CREBZF: variants seen among roughly 807,000 people sequenced by gnomAD.
CREBZF encodes CREB/ATF bZIP transcription factor.
A neutral mutation model predicts 21.1 loss-of-function variants in CREBZF; 8 were observed. The ratio of observed to expected loss-of-function variants is 0.38; its 90% CI spans 0.22 to 0.68. The LOEUF (loss-of-function observed/expected upper bound fraction) is 0.68. CREBZF is among the 30% of genes least tolerant of loss of function. The probability of loss-of-function intolerance (pLI) is 0.51; values close to 1 mark genes in which losing one functional copy is unlikely to be tolerated. For missense variants in CREBZF, 518 were observed against 484.3 expected (o/e 1.07, Z -0.65); for synonymous variants, 270 against 223.3 (o/e 1.21, Z -1.86).
Position 85,662,337 on chromosome 11 carries a change from A to C in CREBZF, c.*1474T>G. 1 of 693,290 alleles carries C rather than the reference A, an allele frequency of 1.4e-6. No individual in the cohort carries two copies. Among genetic ancestry groups the C allele is most frequent in the Non-Finnish European group, 2.7e-6 (1 of 372,896 alleles). The allele number at this position is 693,290 out of a possible 1,614,324, so 42.9% of individuals were successfully genotyped here. On this transcript the variant is annotated 3_prime_UTR_variant, in exon 1 of 1. Coordinates refer to ENST00000527447, the MANE Select transcript of CREBZF (RefSeq NM_001039618.4). ...TTTAATTATGAACATGTTAAAAATA[A>C]AAAACAGCAGAAGCCCTGATATTAC...
rs536640685 is a variant in CREBZF, at chr11:85,670,276, C to A, written n.148-6675G>T. On this transcript the variant is annotated intron_variant and non_coding_transcript_variant, in intron 1 of 3. Transcript: ENST00000531515. The stretch of plus-strand genomic sequence containing the variant: ...TTTCCCCCTAACACTTTAATCCCCC[C>A]CCCCCACAATAAGATCTCAAGTTCT... 4.0e-3 allele frequency among the ~76,000 whole-genome samples: 464 copies of A among 116,102 alleles called. 1 individual carries two copies. The highest frequency in any genetic ancestry group is 0.026 in the South Asian group (72 of 2,796). The allele number at this position is 116,102 out of a possible 152,430, so 76.2% of individuals were successfully genotyped here.
upstream of CREBZF, among the ~76,000 whole-genome samples, chr11:85,670,070 G>A (rs1159839723): frequency 1.3e-5 from 2 of 152,106 alleles, no homozygotes; most frequent in Non-Finnish European, 2.9e-5. Flanking sequence ...GCCTCCCAAA[G>A]TGCTGGGATT....
upstream of CREBZF, among the ~76,000 whole-genome samples, chr11:85,668,821 T>C (rs1291459607): frequency 6.7e-6 from 1 of 150,032 alleles, no homozygotes; most frequent in Non-Finnish European, 1.5e-5. Flanking sequence ...GCTAACACGG[T>C]GAAACCCCGT....
intron 1 of CREBZF, among the ~76,000 whole-genome samples, chr11:85,677,722 C>G (rs1345955719): frequency 6.6e-6 from 1 of 152,232 alleles, no homozygotes; most frequent in Admixed American, 6.5e-5. Flanking sequence ...CAATACTTAG[C>G]TGTCCTGTTT....
intron 1 of CREBZF, among the ~76,000 whole-genome samples, chr11:85,680,590 G>T (rs923544661): frequency 6.6e-6 from 1 of 152,158 alleles, no homozygotes; most frequent in African/African-American, 2.4e-5. Flanking sequence ...TTTTTTCTTG[G>T]ATTCATTTTT....
intron 1 of CREBZF, among the ~76,000 whole-genome samples, chr11:85,671,073 GAA>G: frequency 6.6e-6 from 1 of 152,262 alleles, no homozygotes; most frequent in Non-Finnish European, 1.5e-5. Context: ...AATTTATAAA[GAA>G]AAGAGGTTTA....
intron 1 of CREBZF, among the ~76,000 whole-genome samples, chr11:85,670,852 T>A (rs1013878958): frequency 6.6e-6 from 1 of 152,236 alleles, no homozygotes. Context: ...GTGACCTTAC[T>A]TGGCAGTAGG....
Position 85,664,260 on chromosome 11 carries a change from C to A in CREBZF, c.616G>T (p.Ala206Ser). 6.2e-7 allele frequency: 1 copy of A among 1,612,860 alleles called. No individual in the cohort carries two copies. Among genetic ancestry groups the A allele is most frequent in the Non-Finnish European group, 8.5e-7 (1 of 1,179,834 alleles). ...GGSGNDNNQA[A>S]TKSPRKAAAA... ...GCCGCCTTCCGGGGACTCTTTGTCG[C>A]CGCCTGGTTGTTGTCGTTACCGCTG... Residue 206 changes from alanine (A) to serine (S), a missense_variant, in exon 1 of 1, where the codon GCG becomes TCG. By Grantham distance (99) the Ala-to-Ser change is moderately conservative (BLOSUM62 1). Transcript: ENST00000527447. This position sits in a 1 kb window ranked among gnomAD's most constrained non-coding sequence, Gnocchi z 5.5.
rs1443291928 is a variant in CREBZF at position 85,662,431 on chromosome 11, T to G, written c.*1380A>C. 2.8e-6 allele frequency: 2 copies of G among 717,148 alleles called. No individual in the cohort carries two copies. The highest frequency in any genetic ancestry group is 1.5e-5 in the South Asian group (1 of 67,594). 44.4% of individuals were successfully genotyped at this position (717,148 alleles called of 1,614,324 possible). On this transcript the variant is annotated 3_prime_UTR_variant, in exon 1 of 1. Coordinates refer to ENST00000527447, the MANE Select transcript of CREBZF (RefSeq NM_001039618.4). Reference sequence around the variant, plus strand: ...GAAATGTGGCCAGCAGCTGGTCCCGTCTCTTCTGCCCCAACAGCTGTATCC... The same window carrying G: ...GAAATGTGGCCAGCAGCTGGTCCCGGCTCTTCTGCCCCAACAGCTGTATCC...
chr11:85,674,079 TCTTCCAAA>T (rs1377640982), intron 1 of CREBZF, among the ~76,000 whole-genome samples: 2 of 152,250 alleles, frequency 1.3e-5, no homozygotes, highest in Admixed American at 1.3e-4. Context: ...GATGGAATCC[TCTTCCAAA>T]CTTCCAAACA....
intron 1 of CREBZF, among the ~76,000 whole-genome samples, chr11:85,676,989 A>C (rs1185345828): frequency 1.6e-5 from 1 of 61,664 alleles, no homozygotes; most frequent in East Asian, 5.2e-4. Context: ...TTTGAGACAG[A>C]ATGTCACTCT....
intron 1 of CREBZF, among the ~76,000 whole-genome samples, chr11:85,674,558 A>G (rs2082930864): frequency 6.6e-6 from 1 of 152,210 alleles, no homozygotes; most frequent in Non-Finnish European, 1.5e-5. Context: ...CTTCAACTTA[A>G]AAGTCACCAG....
In CREBZF at chr11:85,664,433, T is replaced by A. The variant is rs747764574; in HGVS notation, c.443A>T (p.Asp148Val). 1 of 1,613,758 alleles carries A rather than the reference T, an allele frequency of 6.2e-7. No homozygotes were observed. Among genetic ancestry groups the A allele is most frequent in the South Asian group, 1.1e-5 (1 of 91,082 alleles). Reference protein sequence around the residue: ...DSGGLWRGDDDDEAAAAEMQR... With the variant: ...DSGGLWRGDDVDEAAAAEMQR... The stretch of plus-strand genomic sequence containing the variant: ...CATTTCAGCAGCCGCGGCCTCATCG[T>A]CATCGTCCCCTCTCCACAGGCCGCC... The change falls in exon 1 of 1, where the codon GAC becomes GTC. Residue 148 changes from aspartate (D) to valine (V), a missense_variant. This residue lies in a region of CREBZF where 396 missense variants were observed against 324.4 expected (regional missense o/e 1.22). Transcript: ENST00000527447. This position sits in a 1 kb window ranked among gnomAD's most constrained non-coding sequence, Gnocchi z 5.5.
chr11:85,662,573 T>C lies in CREBZF; in HGVS notation c.*1238A>G. 1 of 576,040 alleles carries C rather than the reference T, an allele frequency of 1.7e-6. No homozygotes were observed. Among genetic ancestry groups the C allele is most frequent in the Non-Finnish European group, 3.2e-6 (1 of 313,834 alleles). 35.7% of individuals were successfully genotyped at this position (576,040 alleles called of 1,614,324 possible). A position where few individuals can be genotyped will look rare whatever the true frequency, so the allele number is the denominator to read the frequency against. On this transcript the variant is annotated 3_prime_UTR_variant, in exon 1 of 1. Coordinates refer to ENST00000527447, the MANE Select transcript of CREBZF (RefSeq NM_001039618.4). Reference sequence around the variant, plus strand: ...CTGAAGGACACCATAATTCAATTTATACAACTGGTTAATAGATTCAAGGGA... The same window carrying C: ...CTGAAGGACACCATAATTCAATTTACACAACTGGTTAATAGATTCAAGGGA...
chr11:85,659,895 G>C lies in CREBZF; in HGVS notation c.*3916C>G, dbSNP rs1426425629. ...GAAACCTCAAAATATTCAGAAAACA[G>C]TATCAAGTACTCAAGAGAAAGCTCA... On this transcript the variant is annotated 3_prime_UTR_variant, in exon 1 of 1. Transcript: ENST00000527447. 1 of 151,908 alleles carries C rather than the reference G, an allele frequency of 6.6e-6. No homozygotes were observed. Among genetic ancestry groups the C allele is most frequent in the Non-Finnish European group, 1.5e-5 (1 of 67,898 alleles). The allele number at this position is 151,908 out of a possible 1,614,324, so 9.4% of individuals were successfully genotyped here.
At position 85,675,499 on chromosome 11, in the gene CREBZF, G is replaced by T. The variant is rs377608460; in HGVS notation, n.147+7218C>A. 4.2e-4 allele frequency among the ~76,000 whole-genome samples: 64 copies of T among 152,234 alleles called. No homozygotes were observed. In the South Asian group the frequency reaches 0.013, roughly 30 times the overall value. ...AAGTTTGCCATCTTATATGGGTGCT[G>T]TTCATAGCACCCCCAAACAATTACA... On this transcript the variant is annotated intron_variant and non_coding_transcript_variant, in intron 1 of 3. Transcript: ENST00000531515.
upstream of CREBZF, among the ~76,000 whole-genome samples, chr11:85,666,270 G>T (rs926601215): frequency 3.3e-5 from 5 of 152,288 alleles, no homozygotes; most frequent in Admixed American, 1.3e-4. Context: ...TCCCACAAGG[G>T]ATTTGAGATT....
chr11:85,660,592 G>C lies in CREBZF; in HGVS notation c.*3219C>G, dbSNP rs1168957760. The C allele has an allele frequency of 2.2e-6, 1 of 454,670 alleles. No individual in the cohort carries two copies. Among genetic ancestry groups the C allele is most frequent in the Non-Finnish European group, 4.4e-6 (1 of 226,168 alleles). The allele number at this position is 454,670 out of a possible 1,614,324, so 28.2% of individuals were successfully genotyped here. ...GAAAAGATTCGTTTTTGCAGACACT[G>C]CTAAGCTGTTCAAAGAGAAGAGAGA... On this transcript the variant is annotated 3_prime_UTR_variant, in exon 1 of 1. Transcript: ENST00000527447.
upstream of CREBZF, among the ~76,000 whole-genome samples, chr11:85,669,471 T>C (rs374047207): frequency 9.8e-4 from 149 of 152,040 alleles, no homozygotes; most frequent in Middle Eastern, 0.01. Flanking sequence ...CTAGATCTTG[T>C]TATAAGCATT....
Sources: allele counts gnomAD v4.1 joint callset (sites outside exome capture counted in the v4.1 genomes callset), GRCh38; gene constraint gnomAD v4.1.1; regional missense constraint gnomAD v4.1.1; non-coding constraint Gnocchi (gnomAD v3.1); transcripts MANE v1.5; gene names NCBI Gene and HGNC (gene_info 2026-07-23, HGNC 2026-07-21).